The following KIF26B variants were observed in gnomAD, a reference collection of about 807,000 sequenced individuals.
KIF26B encodes the protein kinesin-like protein KIF26B.
A neutral mutation model predicts 151.2 loss-of-function variants in KIF26B; 63 were observed. The observed-to-expected ratio is 0.42, with a 90% CI of 0.34 to 0.51. KIF26B has a LOEUF of 0.51. KIF26B is among the 20% of genes least tolerant of loss of function. The probability of loss-of-function intolerance (pLI) is 0.07; values close to 1 mark genes in which losing one functional copy is unlikely to be tolerated. For synonymous variants in KIF26B, 1,357 were observed against 1,262.1 expected, an observed-to-expected ratio of 1.08 and a Z score of -1.59; for missense variants, 2,813 against 2,913.6, an observed-to-expected ratio of 0.97 and a Z score of 0.79.
chr1:245,560,580 C>T lies in KIF26B; in HGVS notation c.1350+19630C>T, dbSNP rs2042936443. On this transcript the variant is annotated intron_variant, in intron 5 of 14. Transcript: ENST00000407071. This position sits in a 1 kb window ranked among gnomAD's most constrained non-coding sequence, Gnocchi z 4.3. Reference sequence around the variant, plus strand: ...GAACTTGGCTTTTGTGTTGCCTTCACAGAGTGTGGAGGTTGAAAACATCTC... The same window carrying T: ...GAACTTGGCTTTTGTGTTGCCTTCATAGAGTGTGGAGGTTGAAAACATCTC... Among the ~76,000 whole-genome samples, 1 of 152,104 alleles carries T rather than the reference C, an allele frequency of 6.6e-6. No homozygotes were observed. Among genetic ancestry groups the T allele is most frequent in the Admixed American group, 6.5e-5 (1 of 15,268 alleles).
At chr1:245,303,359 C>A (rs575971939) in intron 2 of KIF26B, among the ~76,000 whole-genome samples, 1 of 150,974 alleles carries the variant, frequency 6.6e-6, no homozygotes, top group African/African-American at 2.5e-5. Flanking sequence ...CCACCACGCC[C>A]GGCTAATTTT....
Position 245,705,788 on chromosome 1 carries a change from C to T in KIF26B, c.*3182C>T, listed in dbSNP as rs1470147976. ...CGCATTGCACGGTGGTGCTGAGGAG[C>T]GAGAGTTTGCTTTATCATGGGCTTT... On this transcript the variant is annotated 3_prime_UTR_variant, in exon 15 of 15. Transcript: ENST00000407071. 3 of 152,082 alleles carry T rather than the reference C, an allele frequency of 2.0e-5. No homozygotes were observed. The highest frequency in any genetic ancestry group is 2.4e-5 in the African/African-American group (1 of 41,408). The allele number at this position is 152,082 out of a possible 1,614,324, so 9.4% of individuals were successfully genotyped here.
chr1:245,237,247 G>A (rs989060943), intron 2 of KIF26B, among the ~76,000 whole-genome samples: 2 of 152,144 alleles, frequency 1.3e-5, no homozygotes, highest in African/African-American at 2.4e-5. Flanking sequence ...CTCATACCAC[G>A]CAACTCTAAA....
intron 10 of KIF26B, among the ~76,000 whole-genome samples, chr1:245,682,713 A>C (rs1018283879): frequency 6.6e-6 from 1 of 151,072 alleles, no homozygotes; most frequent in Non-Finnish European, 1.5e-5. Flanking sequence ...ACCTGACTGT[A>C]TATGATCACA....
intron 2 of KIF26B, among the ~76,000 whole-genome samples, chr1:245,177,704 C>T (rs1558335239): frequency 6.6e-6 from 1 of 151,732 alleles, no homozygotes; most frequent in Non-Finnish European, 1.5e-5. Flanking sequence ...GTCTTTCCCC[C>T]TGGCCTTCTG....
intron 4 of KIF26B, among the ~76,000 whole-genome samples, chr1:245,490,555 C>A (rs1660389086): frequency 6.6e-6 from 1 of 152,092 alleles, no homozygotes; most frequent in Non-Finnish European, 1.5e-5. Flanking sequence ...TCGTGATCCA[C>A]CCACCTCAGC....
chr1:245,266,758 G>T lies in KIF26B; in HGVS notation c.466-100076G>T, dbSNP rs141548705. ...CTGACCTTGTGATCCACCTGCCTTGGCCTCCCAAAGTGCTGGGATTACAGA... is the reference window on the plus strand; with the variant it reads ...CTGACCTTGTGATCCACCTGCCTTGTCCTCCCAAAGTGCTGGGATTACAGA... On this transcript the variant is annotated intron_variant, in intron 2 of 14. Coordinates refer to ENST00000407071, the MANE Select transcript of KIF26B (RefSeq NM_018012.4). Among the ~76,000 whole-genome samples the T allele has an allele frequency of 1.7e-3, 266 of 152,110 alleles. 2 individuals carry two copies. The highest frequency in any genetic ancestry group is 6.2e-3 in the African/African-American group (256 of 41,524).
chr1:245,646,203 A>T lies in KIF26B; in HGVS notation c.2181A>T (p.Ser727=). The T allele has an allele frequency of 3.7e-6, 6 of 1,614,002 alleles. No homozygotes were observed. Among genetic ancestry groups the T allele is most frequent in the Non-Finnish European group, 5.1e-6 (6 of 1,179,908 alleles). The change falls in exon 10 of 15, where the codon TCA becomes TCT. Residue 727 remains serine (S), a synonymous_variant. Coordinates refer to ENST00000407071, the MANE Select transcript of KIF26B (RefSeq NM_018012.4). ...TTAGCAAAAATCGAGAAGGAGGCTC[A>T]GGGCTGTGTCTCTCGCTGTCTGCTC... is the stretch of plus-strand genomic sequence containing the variant. ...KALSKNREGG[S]GLCLSLSALG...
At chr1:245,478,731 A>G (rs1200500182) in intron 4 of KIF26B, among the ~76,000 whole-genome samples, 1 of 151,624 alleles carries the variant, frequency 6.6e-6, no homozygotes, top group Non-Finnish European at 1.5e-5. Flanking sequence ...TGCATTTTAA[A>G]AGGGTCGCTT....
intron 2 of KIF26B, among the ~76,000 whole-genome samples, chr1:245,355,158 C>T (rs566247295): frequency 2.6e-5 from 4 of 152,206 alleles, no homozygotes; most frequent in African/African-American, 9.6e-5. Context: ...CTCCTGACCT[C>T]AGGTGGTCCG....
At chr1:245,251,617 A>G (rs953181642) in intron 2 of KIF26B, among the ~76,000 whole-genome samples, 2 of 152,146 alleles carry the variant, frequency 1.3e-5, no homozygotes, top group Non-Finnish European at 2.9e-5. Flanking sequence ...AAAGATATGA[A>G]TCTCATTTAT....
At chr1:245,237,874 AAATT>A (rs1670143262) in intron 2 of KIF26B, among the ~76,000 whole-genome samples, 1 of 151,812 alleles carries the variant, frequency 6.6e-6, no homozygotes. Flanking sequence ...AAATAAGTAA[AAATT>A]AATCAGGCGT....
intron 2 of KIF26B, among the ~76,000 whole-genome samples, chr1:245,359,271 G>A (rs58161870): frequency 0.033 from 5,028 of 152,008 alleles, 244 homozygotes; most frequent in African/African-American, 0.11. Context: ...CTCCTGCCTC[G>A]GCCTCCCAAA....
chr1:245,303,638 A>G (rs1671485029), intron 2 of KIF26B, among the ~76,000 whole-genome samples: 1 of 152,230 alleles, frequency 6.6e-6, no homozygotes, highest in African/African-American at 2.4e-5. Context: ...TGCACACCGT[A>G]AGACTATCTA....
chr1:245,245,229 C>G (rs1670304054), intron 2 of KIF26B, among the ~76,000 whole-genome samples: 1 of 152,192 alleles, frequency 6.6e-6, no homozygotes, highest in Non-Finnish European at 1.5e-5. Flanking sequence ...GCCTTTGTCC[C>G]TGATGCCTAA....
At chr1:245,586,195 G>GTGTT (rs1388302587) in intron 5 of KIF26B, among the ~76,000 whole-genome samples, 1 of 137,420 alleles carries the variant, frequency 7.3e-6, no homozygotes, top group East Asian at 2.1e-4. Flanking sequence ...GTGTGTGTGT[G>GTGTT]TGTTTGTTTT....
intron 4 of KIF26B, among the ~76,000 whole-genome samples, chr1:245,449,949 A>G (rs1384129683): frequency 6.6e-6 from 1 of 152,188 alleles, no homozygotes; most frequent in East Asian, 1.9e-4. Flanking sequence ...GACTTACCCT[A>G]CGTGGAATGA....
intron 4 of KIF26B, among the ~76,000 whole-genome samples, chr1:245,429,788 AT>A (rs1288605299): frequency 6.6e-6 from 1 of 151,820 alleles, no homozygotes; most frequent in Non-Finnish European, 1.5e-5. Context: ...TAATTTTTGT[AT>A]TTTTTAGTAG....
chr1:245,579,439 A>C (rs1377544642), intron 5 of KIF26B, among the ~76,000 whole-genome samples: 1 of 151,950 alleles, frequency 6.6e-6, no homozygotes, highest in Non-Finnish European at 1.5e-5. Flanking sequence ...TCAAGGCTGC[A>C]GTGAGCTATG....
Sources: gnomAD v4.1 joint callset for allele counts (sites outside exome capture counted in the v4.1 genomes callset) on GRCh38, gnomAD v4.1.1 for gene constraint, Gnocchi (gnomAD v3.1) non-coding constraint, MANE v1.5 for transcripts, NCBI Gene and HGNC (gene_info 2026-07-23, HGNC 2026-07-21) for gene names.